Variants in ASH1L observed in about 807,000 individuals in gnomAD.
ASH1L encodes histone-lysine N-methyltransferase ASH1L.
Under a neutral mutation model 269.0 loss-of-function variants are expected in ASH1L, and 23 were observed. That is an observed-to-expected ratio of 0.09 (90% CI 0.06 to 0.12). The LOEUF (loss-of-function observed/expected upper bound fraction) is 0.12, where lower values mean the gene tolerates loss of function less well. Ranked by LOEUF, ASH1L falls within the 10% of genes least tolerant of loss-of-function variation. The pLI, the probability that ASH1L is intolerant of heterozygous loss-of-function variation, is 1.00. For synonymous variants in ASH1L, 1,187 were observed against 1,253.5 expected, an observed-to-expected ratio of 0.95 and a Z score of 1.12; for missense variants, 2,912 against 3,567.8, an observed-to-expected ratio of 0.82 and a Z score of 4.68.
intron 6 of ASH1L, among the ~76,000 whole-genome samples, chr1:155,397,471 T>C (rs1658460989): frequency 6.9e-6 from 1 of 144,560 alleles, no homozygotes; most frequent in South Asian, 2.1e-4. Flanking sequence ...TACTACAGCC[T>C]AGACAACAAG....
intron 5 of ASH1L, among the ~76,000 whole-genome samples, chr1:155,436,826 A>G (rs1334095746): frequency 6.6e-6 from 1 of 152,100 alleles, no homozygotes; most frequent in African/African-American, 2.4e-5. Context: ...TTACATTTAC[A>G]TCTTTGATCC....
intron 7 of ASH1L, among the ~76,000 whole-genome samples, chr1:155,381,848 T>G (rs561039166): frequency 2.0e-4 from 30 of 151,772 alleles, no homozygotes; most frequent in African/African-American, 7.2e-4. Context: ...GATCACGTAC[T>G]GCACTCCAGC....
At chr1:155,339,842 G>A (rs930988543) in intron 25 of ASH1L, among the ~76,000 whole-genome samples, 2 of 152,128 alleles carry the variant, frequency 1.3e-5, no homozygotes, top group African/African-American at 2.4e-5. Context: ...ACCATGGTAA[G>A]TATTGTGTAT....
chr1:155,502,051 G>GTTTTC (rs374861569), intron 2 of ASH1L, among the ~76,000 whole-genome samples: 4,608 of 147,902 alleles, frequency 0.031, 102 homozygotes, highest in Non-Finnish European at 0.044. Context: ...AGTTATGACA[G>GTTTTC]TTTTCTTTTC....
At chr1:155,437,665 C>T (rs554872713) in intron 5 of ASH1L, among the ~76,000 whole-genome samples, 4 of 152,254 alleles carry the variant, frequency 2.6e-5, no homozygotes, top group Middle Eastern at 3.4e-3. Flanking sequence ...GTCATAGCGG[C>T]GTTACGGCAT....
At chr1:155,520,974 A>T (rs547284699) in intron 2 of ASH1L, 126 bp downstream of exon 2, 120 of 1,093,842 alleles carry the variant, frequency 1.1e-4, no homozygotes, top group Middle Eastern at 3.0e-4. Context: ...TAAGGCTCAC[A>T]AAAACAAACT....
At chr1:155,498,546 A>G (rs957471861) in intron 2 of ASH1L, among the ~76,000 whole-genome samples, 3 of 151,854 alleles carry the variant, frequency 2.0e-5, no homozygotes, top group Non-Finnish European at 4.4e-5. Flanking sequence ...GGTTCAAGCG[A>G]TTCTCCTCCC....
chr1:155,460,866 T>C (rs1005486962), intron 3 of ASH1L, among the ~76,000 whole-genome samples: 4 of 152,178 alleles, frequency 2.6e-5, no homozygotes, highest in Non-Finnish European at 4.4e-5. Context: ...CGCAAATCTA[T>C]AGAGCATATT....
Position 155,481,475 on chromosome 1 carries a change from A to C in ASH1L, c.1395T>G (p.Phe465Leu). ...SLKDSATSKT[F>L]EKNVVRQNKE... The stretch of plus-strand genomic sequence containing the variant: ...TATTCTGCCGTACAACATTCTTTTC[A>C]AAAGTTTTGCTGGTGGCACTATCTT... The change falls in exon 3 of 28, where the codon TTT (phenylalanine) becomes TTG (leucine). Residue 465 changes from phenylalanine to leucine, a missense_variant. Phe to Leu is a conservative substitution (Grantham distance 22). Transcript: ENST00000392403. 6.2e-7 allele frequency: 1 copy of C among 1,614,082 alleles called. No homozygotes were observed. Among genetic ancestry groups the C allele is most frequent in the African/African-American group, 1.3e-5 (1 of 75,028 alleles).
intron 2 of ASH1L, among the ~76,000 whole-genome samples, chr1:155,510,243 G>T (rs988285025): frequency 2.0e-5 from 3 of 151,560 alleles, no homozygotes; most frequent in Non-Finnish European, 4.4e-5. Context: ...GAGAAACCCT[G>T]TCTCTACTAA....
intron 15 of ASH1L, among the ~76,000 whole-genome samples, chr1:155,357,078 T>TACACACACACACACACACACACACACAC: frequency 1.9e-5 from 1 of 53,070 alleles, no homozygotes; most frequent in Non-Finnish European, 3.3e-5. Context: ...ATCCCAGCTC[T>TACACACACACACACACACACACACACAC]ACACACACAC....
At chr1:155,466,022 A>G (rs900283882) in intron 3 of ASH1L, among the ~76,000 whole-genome samples, 1 of 152,192 alleles carries the variant, frequency 6.6e-6, no homozygotes, top group Non-Finnish European at 1.5e-5. Flanking sequence ...ACTACAAGAG[A>G]GTATGACTCA....
chr1:155,478,353 G>A lies in ASH1L; in HGVS notation c.4517C>T (p.Ser1506Phe). ...EQPQVSMDTG[S>F]SRSVLESLKR... ...CAAAGATTCCAGGACAGATCGGGAA[G>A]AGCCAGTGTCCATAGAAACCTGGGG... The change falls in exon 3 of 28, where the codon TCT (serine) becomes TTT (phenylalanine). Residue 1506 changes from serine to phenylalanine, a missense_variant. This residue lies in a region of ASH1L where 789 missense variants were observed against 897.6 expected (regional missense o/e 0.88). Transcript: ENST00000392403. This position sits in a 1 kb window ranked among gnomAD's most constrained non-coding sequence, Gnocchi z 4.6. 6.2e-7 allele frequency: 1 copy of A among 1,614,118 alleles called. No homozygotes were observed. The highest frequency in any genetic ancestry group is 8.5e-7 in the Non-Finnish European group (1 of 1,180,014).
chr1:155,449,755 A>G (rs112696355), intron 4 of ASH1L, among the ~76,000 whole-genome samples: 7,957 of 151,958 alleles, frequency 0.052, 705 homozygotes, highest in African/African-American at 0.18. Flanking sequence ...TCCTGACCTC[A>G]TGATCTGCCC....
intron 1 of ASH1L, among the ~76,000 whole-genome samples, chr1:155,557,059 G>GA (rs1360476771): frequency 2.0e-5 from 3 of 151,810 alleles, no homozygotes; most frequent in Non-Finnish European, 4.4e-5. Context: ...TAATTAGATG[G>GA]AAAAAAGTAT....
Position 155,521,459 on chromosome 1 carries a change from T to C in ASH1L, c.61A>G (p.Lys21Glu). The stretch of plus-strand genomic sequence containing the variant: ...CCAGTACTGATGGCAGAAGGACTCT[T>C]TCTTGAAAAACCTTCGGAATCAGAA... ...LGSDSEGFSR[K>E]SPSAISTGTL... Residue 21 changes from lysine to glutamate, a missense_variant, in exon 2 of 28, where the codon AAG becomes GAG. By Grantham distance (56) the Lys-to-Glu change is moderately conservative. Coordinates refer to ENST00000392403, the MANE Select transcript of ASH1L (RefSeq NM_018489.3). 2.5e-6 allele frequency: 4 copies of C among 1,614,086 alleles called. No individual in the cohort carries two copies. The highest frequency in any genetic ancestry group is 1.7e-6 in the Non-Finnish European group (2 of 1,180,014).
intron 19 of ASH1L, among the ~76,000 whole-genome samples, chr1:155,348,871 A>G (rs1570960486): frequency 6.9e-6 from 1 of 145,404 alleles, no homozygotes; most frequent in East Asian, 2.0e-4. Flanking sequence ...ACAGAGCAAG[A>G]TTCTGTCTCA....
chr1:155,413,670 G>A (rs1659982836), intron 6 of ASH1L, among the ~76,000 whole-genome samples: 1 of 151,976 alleles, frequency 6.6e-6, no homozygotes, highest in Non-Finnish European at 1.5e-5. Context: ...CCTCTTTTCT[G>A]TCTGTAACAA....
rs567736125 is a variant in ASH1L, at chr1:155,452,260, A to G, written c.5086+7537T>C. ...TGCCATGTTGGCCAGGCTGGTCTCCAACTCCGGACCTCAGGTGATCTGCCC... is the reference window on the plus strand; with the variant it reads ...TGCCATGTTGGCCAGGCTGGTCTCCGACTCCGGACCTCAGGTGATCTGCCC... On this transcript the variant is annotated intron_variant, in intron 4 of 27. Transcript: ENST00000392403. 2.6e-5 allele frequency among the ~76,000 whole-genome samples: 4 copies of G among 152,048 alleles called. No individual in the cohort carries two copies. The East Asian group carries it at 7.8e-4, about 29-fold the overall frequency.
Sources: allele counts gnomAD v4.1 joint callset (sites outside exome capture counted in the v4.1 genomes callset), GRCh38; gene constraint gnomAD v4.1.1; regional missense constraint gnomAD v4.1.1; non-coding constraint Gnocchi (gnomAD v3.1); transcripts MANE v1.5; gene names NCBI Gene and HGNC (gene_info 2026-07-23, HGNC 2026-07-21).